The following WDR37 variants were observed in gnomAD, a reference collection of about 807,000 sequenced individuals.
The protein encoded by WDR37 is WD repeat-containing protein 37.
Under a neutral mutation model 62.9 loss-of-function variants are expected in WDR37, and 19 were observed. The ratio of observed to expected loss-of-function variants is 0.30; its 90% CI spans 0.21 to 0.44. The LOEUF (loss-of-function observed/expected upper bound fraction) is 0.44. WDR37 is among the 20% of genes least tolerant of loss of function. The pLI, the probability that WDR37 is intolerant of heterozygous loss-of-function variation, is 1.00. For missense variants in WDR37, 474 were observed against 657.6 expected (o/e 0.72, Z 3.05); for synonymous variants, 250 against 260.9 (o/e 0.96, Z 0.40).
At chr10:1,090,677 G>C (rs757193067) in intron 7 of WDR37, among the ~76,000 whole-genome samples, 2 of 152,194 alleles carry the variant, frequency 1.3e-5, no homozygotes, top group Non-Finnish European at 2.9e-5. Flanking sequence ...CTGTGTCTGC[G>C]CCTCTCAGAG....
At chr10:1,060,247 A>G (rs532803489) in intron 1 of WDR37, among the ~76,000 whole-genome samples, 1 of 151,954 alleles carries the variant, frequency 6.6e-6, no homozygotes, top group East Asian at 1.9e-4. Context: ...TGTGTAGAGC[A>G]CTGTGCTGCA....
chr10:1,129,673 T>A lies in WDR37; in HGVS notation c.*329T>A. Reference sequence around the variant, plus strand: ...GCATTACATTTGTGTGAATTAAATGTGAACTTCTGTATTACGTTGCGGCGT... The same window carrying A: ...GCATTACATTTGTGTGAATTAAATGAGAACTTCTGTATTACGTTGCGGCGT... On this transcript the variant is annotated 3_prime_UTR_variant, in exon 14 of 14. Transcript: ENST00000263150. 2 of 205,106 alleles carry A rather than the reference T, an allele frequency of 9.8e-6. No homozygotes were observed. The highest frequency in any genetic ancestry group is 9.9e-6 in the Non-Finnish European group (1 of 100,592). The allele number at this position is 205,106 out of a possible 1,614,324, so 12.7% of individuals were successfully genotyped here.
chr10:1,081,788 T>G (rs1834038220), intron 5 of WDR37, among the ~76,000 whole-genome samples: 1 of 152,210 alleles, frequency 6.6e-6, no homozygotes, highest in Non-Finnish European at 1.5e-5. Flanking sequence ...TTATCTTGGA[T>G]TATGTTGTTT....
chr10:1,124,160 G>A (rs771980055), intron 11 of WDR37, 58 bp from the exon 12 acceptor site: 1 of 1,606,520 alleles, frequency 6.2e-7, no homozygotes, highest in Non-Finnish European at 8.5e-7. Flanking sequence ...TGTGTGTGGG[G>A]TGTGGTGTCA....
chr10:1,095,679 C>T (rs1834552148), intron 8 of WDR37, among the ~76,000 whole-genome samples: 1 of 152,160 alleles, frequency 6.6e-6, no homozygotes, highest in South Asian at 2.1e-4. Flanking sequence ...CAAAGCGTTT[C>T]CTCGCAAACT....
At chr10:1,094,795 G>C (rs551927787) in intron 8 of WDR37, among the ~76,000 whole-genome samples, 1 of 152,234 alleles carries the variant, frequency 6.6e-6, no homozygotes, top group Admixed American at 6.5e-5. Context: ...ATAGAGAGGA[G>C]AGTTAGACTT....
chr10:1,071,158 G>A (rs961058829), intron 1 of WDR37, among the ~76,000 whole-genome samples: 7 of 152,118 alleles, frequency 4.6e-5, no homozygotes, highest in African/African-American at 1.7e-4. Flanking sequence ...CTGCTCTTGG[G>A]ACTTGGGCCA....
Position 1,093,718 on chromosome 10 carries a change from A to G in WDR37, c.649+222A>G, listed in dbSNP as rs115440872. On this transcript the variant is annotated intron_variant, in intron 8 of 13. Coordinates refer to ENST00000263150, the MANE Select transcript of WDR37 (RefSeq NM_014023.4). ...CAGTTGGATTTATTGTGAGATGAAG[A>G]TGGCTTCACGGTCTTCTCGAAGCCT... is the stretch of plus-strand genomic sequence containing the variant. Among the ~76,000 whole-genome samples the G allele has an allele frequency of 6.5e-3, 994 of 152,342 alleles. 17 individuals carry two copies. The highest frequency in any genetic ancestry group is 0.023 in the African/African-American group (958 of 41,572).
Position 1,072,298 on chromosome 10 carries a change from G to A in WDR37, c.138+5G>A. On this transcript the variant is annotated splice_donor_5th_base_variant and intron_variant, in intron 2 of 13. Coordinates refer to ENST00000263150, the MANE Select transcript of WDR37 (RefSeq NM_014023.4). Reference sequence around the variant, plus strand: ...AGAGACATGTTAGAAGGACAAGTAAGCTACGATTGATTAGGGCCTTATTGA... The same window carrying A: ...AGAGACATGTTAGAAGGACAAGTAAACTACGATTGATTAGGGCCTTATTGA... 2.5e-6 allele frequency: 4 copies of A among 1,612,966 alleles called. No homozygotes were observed. Among genetic ancestry groups the A allele is most frequent in the Non-Finnish European group, 3.4e-6 (4 of 1,179,632 alleles).
intron 11 of WDR37, among the ~76,000 whole-genome samples, chr10:1,113,603 A>G (rs888392316): frequency 6.6e-6 from 1 of 152,210 alleles, no homozygotes; most frequent in Non-Finnish European, 1.5e-5. Context: ...GAGAAGGTCA[A>G]AATGTCACAG....
chr10:1,077,766 C>A (rs1225065291), intron 2 of WDR37, 141 bp from the exon 3 acceptor site: 11 of 676,896 alleles, frequency 1.6e-5, no homozygotes, highest in Non-Finnish European at 2.4e-5. Flanking sequence ...ACTTTAAACT[C>A]TTTAAGCATT....
intron 7 of WDR37, among the ~76,000 whole-genome samples, chr10:1,089,794 T>C (rs1193771789): frequency 6.6e-6 from 1 of 152,236 alleles, no homozygotes; most frequent in Non-Finnish European, 1.5e-5. Flanking sequence ...GTCTCTTCGC[T>C]CATCGTCTCT....
chr10:1,074,750 G>A (rs1214206640), intron 2 of WDR37, among the ~76,000 whole-genome samples: 1 of 152,258 alleles, frequency 6.6e-6, no homozygotes, highest in Non-Finnish European at 1.5e-5. Context: ...TTGAGGAGCA[G>A]CAATATAGAA....
chr10:1,096,046 C>A, intron 8 of WDR37, 124 bp from the exon 9 acceptor site: 1 of 795,834 alleles, frequency 1.3e-6, no homozygotes. Context: ...AAAGTACATT[C>A]CTCTCACTAA....
intron 7 of WDR37, among the ~76,000 whole-genome samples, chr10:1,088,362 C>CATT (rs1834269483): frequency 1.3e-5 from 2 of 152,220 alleles, no homozygotes; most frequent in South Asian, 4.1e-4. Flanking sequence ...TAAGCTTAAT[C>CATT]ATTTCTAGCT....
intron 1 of WDR37, among the ~76,000 whole-genome samples, chr10:1,068,204 G>A (rs553553411): frequency 5.9e-5 from 9 of 152,064 alleles, no homozygotes; most frequent in Non-Finnish European, 2.9e-5. Flanking sequence ...ATCTTAGGCC[G>A]GGCGCGGTGG....
intron 11 of WDR37, among the ~76,000 whole-genome samples, chr10:1,111,885 G>A (rs1371041532): frequency 6.6e-6 from 1 of 151,906 alleles, no homozygotes; most frequent in East Asian, 1.9e-4. Context: ...TCAGCTGTTG[G>A]TGGCTATTTC....
chr10:1,069,391 T>TATATATATATATATATATATA (rs200599689), intron 1 of WDR37, among the ~76,000 whole-genome samples: 34 of 45,930 alleles, frequency 7.4e-4, no homozygotes, highest in Non-Finnish European at 9.6e-4. Flanking sequence ...ATATATATAT[T>TATATATATATATATATATATA]TTTTTTTTTT....
intron 1 of WDR37, 42 bp from the exon 2 acceptor site, chr10:1,072,074 A>G (rs1589081109): frequency 6.6e-7 from 1 of 1,509,100 alleles, no homozygotes; most frequent in South Asian, 1.3e-5. Context: ...TTTTGTTTCA[A>G]CTCGCTGTAT....
Sources: allele counts gnomAD v4.1 joint callset (sites outside exome capture counted in the v4.1 genomes callset), GRCh38; gene constraint gnomAD v4.1.1; transcripts MANE v1.5; gene names NCBI Gene and HGNC (gene_info 2026-07-23, HGNC 2026-07-21).